The following PRKCA variants were observed in gnomAD, a reference collection of about 807,000 sequenced individuals.
PRKCA encodes the protein protein kinase C alpha type.
In PRKCA, 27 loss-of-function variants were observed where a neutral mutation model predicts 87.0. The observed-to-expected ratio is 0.31, with a 90% CI of 0.23 to 0.43. The LOEUF is 0.43. Ranked by LOEUF, PRKCA falls within the 20% of genes least tolerant of loss-of-function variation. PRKCA has a pLI of 1.00. For missense variants in PRKCA, 518 were observed against 852.3 expected (o/e 0.61, Z 4.88); for synonymous variants, 329 against 311.1 (o/e 1.06, Z -0.61).
At chr17:66,649,732 C>A (rs1971542801) in intron 5 of PRKCA, among the ~76,000 whole-genome samples, 1 of 152,118 alleles carries the variant, frequency 6.6e-6, no homozygotes, top group African/African-American at 2.4e-5. Context: ...CACGGAAGGT[C>A]CAAACATGGG....
At chr17:66,630,003 CTCTG>C (rs1970965810) in intron 3 of PRKCA, among the ~76,000 whole-genome samples, 1 of 152,096 alleles carries the variant, frequency 6.6e-6, no homozygotes, top group African/African-American at 2.4e-5. Context: ...CATGGGAACT[CTCTG>C]TGCTATTTTT....
chr17:66,773,780 C>G (rs1974990074), intron 13 of PRKCA, among the ~76,000 whole-genome samples: 1 of 152,114 alleles, frequency 6.6e-6, no homozygotes, highest in Non-Finnish European at 1.5e-5. Context: ...ATTCCCCAAA[C>G]CAGCCGTGGG....
intron 14 of PRKCA, chr17:66,777,502 C>T: frequency 1.0e-6 from 1 of 979,584 alleles, no homozygotes; most frequent in Non-Finnish European, 1.2e-6. Context: ...AGTTCGTACA[C>T]AGTCACCATC....
intron 2 of PRKCA, among the ~76,000 whole-genome samples, chr17:66,366,377 C>A (rs190054674): frequency 6.6e-6 from 1 of 152,206 alleles, no homozygotes; most frequent in Non-Finnish European, 1.5e-5. Flanking sequence ...TGTTTTCCAG[C>A]GAGGCTTTTT....
intron 2 of PRKCA, among the ~76,000 whole-genome samples, chr17:66,421,428 G>GTTTTTTTTT (rs55825622): frequency 8.6e-6 from 1 of 116,906 alleles, no homozygotes; most frequent in Non-Finnish European, 1.8e-5. Context: ...CACAGCCTCT[G>GTTTTTTTTT]TTTTTTTTTT....
intron 2 of PRKCA, among the ~76,000 whole-genome samples, chr17:66,424,512 A>G (rs1404136131): frequency 6.6e-6 from 1 of 150,730 alleles, no homozygotes; most frequent in African/African-American, 2.4e-5. Flanking sequence ...GATTGCACTG[A>G]CCTGAGATGG....
chr17:66,414,825 G>T (rs184180695), intron 2 of PRKCA: 62 of 152,244 alleles, frequency 4.1e-4, no homozygotes, highest in African/African-American at 1.4e-3. Context: ...TGTACTATAT[G>T]CCAGGAGACT....
intron 2 of PRKCA, among the ~76,000 whole-genome samples, chr17:66,344,054 C>T (rs183199270): frequency 6.6e-6 from 1 of 152,130 alleles, no homozygotes; most frequent in Non-Finnish European, 1.5e-5. Flanking sequence ...TCCAGGGGGG[C>T]CTTGGCTCAA....
chr17:66,530,164 A>T (rs1431527250), intron 3 of PRKCA, among the ~76,000 whole-genome samples: 2 of 152,224 alleles, frequency 1.3e-5, no homozygotes, highest in Admixed American at 6.5e-5. Context: ...CTTGAAGTTC[A>T]TCAAAGATTT....
chr17:66,401,433 A>G (rs1911020568), intron 2 of PRKCA, among the ~76,000 whole-genome samples: 1 of 152,194 alleles, frequency 6.6e-6, no homozygotes. Flanking sequence ...CATGACATTC[A>G]GGGAGATGAT....
chr17:66,626,362 ATTT>A (rs36045417), intron 3 of PRKCA, among the ~76,000 whole-genome samples: 11 of 124,418 alleles, frequency 8.8e-5, no homozygotes, highest in Admixed American at 1.6e-4. Context: ...TAGTTTTTGT[ATTT>A]TTTTTTTTTT....
rs577680089 is a variant in PRKCA, at chr17:66,692,909, C to T, written c.918+3862C>T. Among the ~76,000 whole-genome samples the T allele has an allele frequency of 3.3e-5, 5 of 152,298 alleles. No individual in the cohort carries two copies. The East Asian group carries it at 9.6e-4, about 29-fold the overall frequency. On this transcript the variant is annotated intron_variant, in intron 8 of 16. Transcript: ENST00000413366. ...CGTCCTGTTGGGAACAGGCATCACT[C>T]AGTGGGATCACACAGTGTCCAGTCT...
intron 2 of PRKCA, among the ~76,000 whole-genome samples, chr17:66,328,526 G>A (rs909048238): frequency 6.6e-6 from 1 of 152,094 alleles, no homozygotes; most frequent in Non-Finnish European, 1.5e-5. Context: ...GGCTGGGTGC[G>A]GTGGCTCATG....
intron 2 of PRKCA, among the ~76,000 whole-genome samples, chr17:66,421,265 T>C (rs1410954268): frequency 1.3e-5 from 2 of 152,150 alleles, no homozygotes; most frequent in African/African-American, 2.4e-5. Context: ...TTTTGGTGTT[T>C]GTCATGGGAG....
At chr17:66,535,400 G>A (rs1598748216) in intron 3 of PRKCA, among the ~76,000 whole-genome samples, 1 of 152,196 alleles carries the variant, frequency 6.6e-6, no homozygotes, top group African/African-American at 2.4e-5. Flanking sequence ...GAAAAGATAT[G>A]TATTGATGTC....
intron 2 of PRKCA, among the ~76,000 whole-genome samples, chr17:66,371,363 G>T (rs1415318513): frequency 6.6e-6 from 1 of 152,152 alleles, no homozygotes; most frequent in Middle Eastern, 3.2e-3. Context: ...TTTGTGAAAT[G>T]ACCATTCTGA....
intron 2 of PRKCA, among the ~76,000 whole-genome samples, chr17:66,382,221 G>A (rs773200976): frequency 6.6e-6 from 1 of 152,126 alleles, no homozygotes; most frequent in Non-Finnish European, 1.5e-5. Flanking sequence ...TGCTAGTCTT[G>A]TGATCTCTAC....
chr17:66,510,077 G>T (rs1167423303), intron 3 of PRKCA, among the ~76,000 whole-genome samples: 1 of 152,090 alleles, frequency 6.6e-6, no homozygotes, highest in Non-Finnish European at 1.5e-5. Flanking sequence ...TATCTCTAGT[G>T]ATAAGCAGAA....
rs1035773464 is a variant in PRKCA at position 66,591,231 on chromosome 17, T to C, written c.289-50124T>C. Among the ~76,000 whole-genome samples, 8 of 152,162 alleles carry C rather than the reference T, an allele frequency of 5.3e-5. No homozygotes were observed. In the South Asian group the frequency reaches 1.0e-3, roughly 20 times the overall value. On this transcript the variant is annotated intron_variant, in intron 3 of 16. Coordinates refer to ENST00000413366, the MANE Select transcript of PRKCA (RefSeq NM_002737.3). ...GTAGCGGCATGATCAGGGCTCGCTGTAGCCTTGACTTCCCAGCCTCAAGCA... is the reference window on the plus strand; with the variant it reads ...GTAGCGGCATGATCAGGGCTCGCTGCAGCCTTGACTTCCCAGCCTCAAGCA...
Sources: gnomAD v4.1 joint callset for allele counts (sites outside exome capture counted in the v4.1 genomes callset) on GRCh38, gnomAD v4.1.1 for gene constraint, MANE v1.5 for transcripts, NCBI Gene and HGNC (gene_info 2026-07-23, HGNC 2026-07-21) for gene names.